Variants in DCC observed in about 807,000 individuals in gnomAD.
The protein encoded by DCC is netrin receptor DCC.
DCC carries 58 observed loss-of-function variants against 172.5 expected under a neutral mutation model. The ratio of observed to expected loss-of-function variants is 0.34; its 90% CI spans 0.27 to 0.42. The LOEUF is 0.42. DCC is among the 10% of genes least tolerant of loss of function. The probability of loss-of-function intolerance (pLI) is 1.00; values close to 1 mark genes in which losing one functional copy is unlikely to be tolerated. For synonymous variants in DCC, 709 were observed against 644.5 expected, an observed-to-expected ratio of 1.10 and a Z score of -1.52; for missense variants, 1,740 against 1,791.0, an observed-to-expected ratio of 0.97 and a Z score of 0.51.
At chr18:53,516,092 C>A (rs1415761985) in intron 27 of DCC, among the ~76,000 whole-genome samples, 1 of 145,978 alleles carries the variant, frequency 6.9e-6, no homozygotes, top group South Asian at 2.1e-4. Context: ...GTACTGGTAC[C>A]AAAACAGAGA....
chr18:52,592,023 T>G (rs2033812500), intron 1 of DCC, among the ~76,000 whole-genome samples: 1 of 152,182 alleles, frequency 6.6e-6, no homozygotes, highest in Non-Finnish European at 1.5e-5. Flanking sequence ...CTTATATTAC[T>G]TGGAGAAAAA....
chr18:53,283,312 C>T (rs569582220), intron 12 of DCC, among the ~76,000 whole-genome samples: 11 of 152,128 alleles, frequency 7.2e-5, no homozygotes, highest in South Asian at 4.1e-4. Flanking sequence ...TGGCTATAAA[C>T]AAGTGTATTC....
intron 9 of DCC, among the ~76,000 whole-genome samples, chr18:53,181,427 T>A (rs2055195026): frequency 6.6e-6 from 1 of 150,540 alleles, no homozygotes; most frequent in African/African-American, 2.4e-5. Flanking sequence ...TTTTTTTTTT[T>A]AACACCAACG....
chr18:52,974,072 T>C (rs2041073035), intron 5 of DCC, among the ~76,000 whole-genome samples: 1 of 152,084 alleles, frequency 6.6e-6, no homozygotes, highest in Non-Finnish European at 1.5e-5. Context: ...TTATTTTTAA[T>C]TGAAAAAAAT....
chr18:52,529,341 A>C (rs1306166384), intron 1 of DCC, among the ~76,000 whole-genome samples: 2 of 152,130 alleles, frequency 1.3e-5, no homozygotes, highest in Non-Finnish European at 2.9e-5. Context: ...CCCAGGCTGG[A>C]GTGCAGTGGC....
chr18:52,918,590 C>T (rs1195299822), intron 3 of DCC, among the ~76,000 whole-genome samples: 3 of 152,034 alleles, frequency 2.0e-5, no homozygotes, highest in African/African-American at 7.2e-5. Context: ...TATTTTAAAA[C>T]CTTTAGAAAA....
At chr18:53,143,854 C>G (rs928944341) in intron 7 of DCC, among the ~76,000 whole-genome samples, 2 of 152,162 alleles carry the variant, frequency 1.3e-5, no homozygotes, top group African/African-American at 4.8e-5. Context: ...GCCACAGGTG[C>G]GAGAATGATT....
At chr18:52,579,448 T>C (rs1316413703) in intron 1 of DCC, among the ~76,000 whole-genome samples, 2 of 152,226 alleles carry the variant, frequency 1.3e-5, no homozygotes, top group African/African-American at 4.8e-5. Flanking sequence ...GGGCAAAGAC[T>C]AGAACAGTCT....
At chr18:52,603,326 G>T (rs2144821192) in intron 1 of DCC, among the ~76,000 whole-genome samples, 1 of 152,018 alleles carries the variant, frequency 6.6e-6, no homozygotes, top group East Asian at 1.9e-4. Flanking sequence ...ATTTAGCTTT[G>T]GGCCTCTGCT....
At chr18:53,088,510 C>T (rs960390662) in intron 7 of DCC, among the ~76,000 whole-genome samples, 2 of 152,034 alleles carry the variant, frequency 1.3e-5, no homozygotes, top group African/African-American at 4.8e-5. Flanking sequence ...GGGGCTGAGA[C>T]AATGGGGTTT....
chr18:53,075,338 C>T lies in DCC; in HGVS notation c.1261+9172C>T, dbSNP rs139570364. Reference sequence around the variant, plus strand: ...CATTCACCTTGTCCTTCATTCAGCACGTGCTTCAGGTAGGAAGCCAGCTCA... The same window carrying T: ...CATTCACCTTGTCCTTCATTCAGCATGTGCTTCAGGTAGGAAGCCAGCTCA... On this transcript the variant is annotated intron_variant, in intron 7 of 28. Coordinates refer to ENST00000442544, the MANE Select transcript of DCC (RefSeq NM_005215.4). Among the ~76,000 whole-genome samples, 15 of 152,248 alleles carry T rather than the reference C, an allele frequency of 9.9e-5. No individual in the cohort carries two copies. The East Asian group carries it at 2.7e-3, about 27-fold the overall frequency.
chr18:53,499,992 A>C (rs960737833), intron 27 of DCC, among the ~76,000 whole-genome samples: 4 of 152,244 alleles, frequency 2.6e-5, no homozygotes, highest in Admixed American at 2.6e-4. Flanking sequence ...TAGGCCACAA[A>C]GAAATGTCAG....
intron 7 of DCC, among the ~76,000 whole-genome samples, chr18:53,104,627 A>G (rs533644253): frequency 1.3e-5 from 2 of 152,186 alleles, no homozygotes; most frequent in South Asian, 2.1e-4. Flanking sequence ...AAAAAATGCA[A>G]TTGTTTATCA....
At chr18:53,316,506 T>C (rs2144813178) in intron 13 of DCC, among the ~76,000 whole-genome samples, 1 of 152,118 alleles carries the variant, frequency 6.6e-6, no homozygotes, top group East Asian at 1.9e-4. Context: ...AAGTCGATGG[T>C]AGCTTAACAG....
chr18:52,888,231 G>A (rs2039597031), intron 2 of DCC, among the ~76,000 whole-genome samples: 1 of 152,196 alleles, frequency 6.6e-6, no homozygotes, highest in Non-Finnish European at 1.5e-5. Context: ...CTGGCTGCAG[G>A]CCATTAACAC....
chr18:53,127,833 A>G (rs1485815220), intron 7 of DCC, among the ~76,000 whole-genome samples: 1 of 152,142 alleles, frequency 6.6e-6, no homozygotes, highest in Non-Finnish European at 1.5e-5. Flanking sequence ...ATAAATCCAA[A>G]CAGTGTGCCA....
rs1453887825 is a variant in DCC, at chr18:53,356,991, T to C, written c.2359+17084T>C. 2.0e-5 allele frequency among the ~76,000 whole-genome samples: 3 copies of C among 152,314 alleles called. No individual in the cohort carries two copies. In the East Asian group the frequency reaches 5.8e-4, roughly 29 times the overall value. The stretch of plus-strand genomic sequence containing the variant: ...AGTCGCTGAAGTGATCTTCTTCATA[T>C]CCAAAGTCTCAAAATTACTGTTTTA... On this transcript the variant is annotated intron_variant, in intron 15 of 28. Coordinates refer to ENST00000442544, the MANE Select transcript of DCC (RefSeq NM_005215.4).
intron 7 of DCC, among the ~76,000 whole-genome samples, chr18:53,109,181 GT>G (rs1215379269): frequency 6.6e-6 from 1 of 151,170 alleles, no homozygotes; most frequent in African/African-American, 2.4e-5. Flanking sequence ...TTTGTTGACC[GT>G]TTGGGTGTCT....
At chr18:52,396,030 G>A (rs1374561741) in intron 1 of DCC, among the ~76,000 whole-genome samples, 1 of 151,968 alleles carries the variant, frequency 6.6e-6, no homozygotes, top group East Asian at 1.9e-4. Flanking sequence ...AGAACTCAGA[G>A]GCCAGCTTTC....
Sources: gnomAD v4.1 joint callset for allele counts (sites outside exome capture counted in the v4.1 genomes callset) on GRCh38, gnomAD v4.1.1 for gene constraint, MANE v1.5 for transcripts, NCBI Gene and HGNC (gene_info 2026-07-23, HGNC 2026-07-21) for gene names.